Variants in ZNF90 observed in about 807,000 individuals in gnomAD.
The protein encoded by ZNF90 is zinc finger protein HTF9.
A neutral mutation model predicts 12.0 loss-of-function variants in ZNF90; 11 were observed. That is an observed-to-expected ratio of 0.92 (90% CI 0.58 to 1.52). The LOEUF is 1.52. Among genes scored for constraint, ZNF90 ranks in the 40% most tolerant of loss-of-function variants. The pLI, the probability that ZNF90 is intolerant of heterozygous loss-of-function variation, is 0.00. For synonymous variants in ZNF90, 232 were observed against 240.1 expected (o/e 0.97, Z 0.31); for missense variants, 765 against 711.5 (o/e 1.08, Z -0.86).
chr19:20,107,663 G>A (rs1425882673), intron 3 of ZNF90, among the ~76,000 whole-genome samples: 1 of 151,908 alleles, frequency 6.6e-6, no homozygotes, highest in Non-Finnish European at 1.5e-5. Flanking sequence ...TGCTGTAAGG[G>A]GATATGAAAA....
rs2088921792 is a variant in ZNF90 at position 20,093,861 on chromosome 19, A to AG, written c.4-10376dup. Among the ~76,000 whole-genome samples the AG allele has an allele frequency of 2.7e-5, 4 of 149,892 alleles. No homozygotes were observed. The South Asian group carries it at 8.5e-4, about 32-fold the overall frequency. ...TCCATGATGGTCCAGGGGGCTTCCGAGGCGATCGGGCAATGTCAATCTTCA... is the reference window on the plus strand; with the variant it reads ...TCCATGATGGTCCAGGGGGCTTCCGAGGGCGATCGGGCAATGTCAATCTTCA... On this transcript the variant is annotated intron_variant, in intron 1 of 3. Transcript: ENST00000418063.
chr19:20,119,031 T>A lies in ZNF90; in HGVS notation c.1477T>A (p.Ser493Thr). The change falls in exon 4 of 4, where the codon TCC (serine) becomes ACC (threonine). Residue 493 changes from serine to threonine, a missense_variant. Transcript: ENST00000418063. ...AGAATGTGACAAAGCCTTCAAGTAC[T>A]CCTCAGCCCTTAGCACACATAAGAT... is the stretch of plus-strand genomic sequence containing the variant. ...CQECDKAFKY[S>T]SALSTHKIIH... 6.2e-7 allele frequency: 1 copy of A among 1,606,992 alleles called. No homozygotes were observed. The highest frequency in any genetic ancestry group is 8.5e-7 in the Non-Finnish European group (1 of 1,176,476).
rs1420513666 is a variant in ZNF90, at chr19:20,118,294, A to T, written c.740A>T (p.His247Leu). The T allele has an allele frequency of 6.4e-7, 1 of 1,562,280 alleles. No homozygotes were observed. The highest frequency in any genetic ancestry group is 8.7e-7 in the Non-Finnish European group (1 of 1,152,848). The change falls in exon 4 of 4, where the codon CAT becomes CTT. Residue 247 changes from histidine (H) to leucine (L), a missense_variant. His to Leu is a moderately conservative substitution (Grantham distance 99). Coordinates refer to ENST00000418063, the MANE Select transcript of ZNF90 (RefSeq NM_007138.2). ...ELKYSSTLTA[H>L]KRIHTGEKRY... Reference sequence around the variant, plus strand: ...AAGTATTCCTCTACCCTTACTGCACATAAGAGAATTCATACTGGAGAGAAA... The same window carrying T: ...AAGTATTCCTCTACCCTTACTGCACTTAAGAGAATTCATACTGGAGAGAAA...
At chr19:20,107,244 A>C (rs1555704585) in intron 3 of ZNF90, among the ~76,000 whole-genome samples, 1 of 152,136 alleles carries the variant, frequency 6.6e-6, no homozygotes, top group African/African-American at 2.4e-5. Flanking sequence ...AGGTCTCTGG[A>C]GTGGCAGAAC....
At chr19:20,105,455 G>A (rs546537618) in intron 3 of ZNF90, 139 bp downstream of exon 3, 1 of 687,794 alleles carries the variant, frequency 1.5e-6, no homozygotes, top group Non-Finnish European at 2.4e-6. Flanking sequence ...TTTTTGTTTT[G>A]TTTTTAATTT....
intron 3 of ZNF90, among the ~76,000 whole-genome samples, chr19:20,115,367 A>AT (rs2089127860): frequency 6.8e-6 from 1 of 147,550 alleles, no homozygotes; most frequent in African/African-American, 2.5e-5. Flanking sequence ...ATGTTATTTT[A>AT]TTTTTTGTTT....
chr19:20,096,998 A>G (rs138697110), intron 1 of ZNF90, among the ~76,000 whole-genome samples: 61 of 152,364 alleles, frequency 4.0e-4, no homozygotes, highest in African/African-American at 1.4e-3. Context: ...AGCAATTAGC[A>G]TACACACATG....
chr19:20,108,612 C>G (rs1236715172), intron 3 of ZNF90, among the ~76,000 whole-genome samples: 1 of 152,080 alleles, frequency 6.6e-6, no homozygotes, highest in African/African-American at 2.4e-5. Context: ...GCCACCGTGC[C>G]TGGCCTGACT....
intron 1 of ZNF90, among the ~76,000 whole-genome samples, chr19:20,088,036 T>C (rs1346104888): frequency 2.0e-5 from 3 of 152,194 alleles, no homozygotes; most frequent in African/African-American, 7.2e-5. Context: ...CAGGGCATAT[T>C]CACTTCTTTT....
At chr19:20,094,936 C>T (rs939388501) in intron 1 of ZNF90, among the ~76,000 whole-genome samples, 1 of 151,874 alleles carries the variant, frequency 6.6e-6, no homozygotes, top group Non-Finnish European at 1.5e-5. Context: ...AAGAGCTAGT[C>T]GCGGAACTAA....
At position 20,118,651 on chromosome 19, in the gene ZNF90, A is replaced by G; in HGVS notation, c.1097A>G (p.Glu366Gly). The G allele has an allele frequency of 6.4e-7, 1 of 1,568,616 alleles. No homozygotes were observed. Among genetic ancestry groups the G allele is most frequent in the Non-Finnish European group, 8.6e-7 (1 of 1,157,696 alleles). ...ACACATAAGAGAATTCATACTGGAGAGAAACCCTACAAGTGTGATAAATGT... is the reference window on the plus strand; with the variant it reads ...ACACATAAGAGAATTCATACTGGAGGGAAACCCTACAAGTGTGATAAATGT... ...LRTHKRIHTG[E>G]KPYKCDKCGK... The change falls in exon 4 of 4, where the codon GAG (glutamate) becomes GGG (glycine). Residue 366 changes from glutamate (E) to glycine (G), a missense_variant. Physicochemically the swap from Glu to Gly is moderately conservative, Grantham distance 98. Transcript: ENST00000418063.
At chr19:20,113,302 T>C (rs1178132140) in intron 3 of ZNF90, among the ~76,000 whole-genome samples, 1 of 152,030 alleles carries the variant, frequency 6.6e-6, no homozygotes, top group Non-Finnish European at 1.5e-5. Context: ...GCCCTTCTCC[T>C]GCCTCAGCCT....
chr19:20,086,232 C>CTTTTTTTTTTT (rs59433953), intron 1 of ZNF90, among the ~76,000 whole-genome samples: 1 of 99,796 alleles, frequency 1.0e-5, no homozygotes, highest in Non-Finnish European at 2.0e-5. Context: ...ATTTTCTTTT[C>CTTTTTTTTTTT]TTTTTTTTTT....
intron 3 of ZNF90, among the ~76,000 whole-genome samples, chr19:20,108,047 G>C (rs2122512776): frequency 6.6e-6 from 1 of 152,166 alleles, no homozygotes; most frequent in South Asian, 2.1e-4. Flanking sequence ...ATTTAACAAT[G>C]TAAGTCTACT....
At chr19:20,083,485 G>C (rs1254831325) in intron 1 of ZNF90, among the ~76,000 whole-genome samples, 1 of 151,810 alleles carries the variant, frequency 6.6e-6, no homozygotes, top group Non-Finnish European at 1.5e-5. Context: ...GCACCACCAC[G>C]TTTGGCTAAT....
At position 20,119,396 on chromosome 19, in the gene ZNF90, C is replaced by A; in HGVS notation, c.*36C>A. ...AACCCTTAATAAACATAAGATAATTCATACTGGAGAGAAACCGTATAAATG... is the reference window on the plus strand; with the variant it reads ...AACCCTTAATAAACATAAGATAATTAATACTGGAGAGAAACCGTATAAATG... On this transcript the variant is annotated 3_prime_UTR_variant, in exon 4 of 4. Transcript: ENST00000418063. The A allele has an allele frequency of 6.6e-7, 1 of 1,516,896 alleles. No homozygotes were observed. Among genetic ancestry groups the A allele is most frequent in the Non-Finnish European group, 8.9e-7 (1 of 1,125,006 alleles). 94.0% of individuals were successfully genotyped at this position (1,516,896 alleles called of 1,614,324 possible). A position where few individuals can be genotyped will look rare whatever the true frequency, so the allele number is the denominator to read the frequency against.
At chr19:20,101,225 G>T (rs1366378318) in intron 1 of ZNF90, among the ~76,000 whole-genome samples, 1 of 152,202 alleles carries the variant, frequency 6.6e-6, no homozygotes, top group Admixed American at 6.5e-5. Flanking sequence ...AAGTGCTCGG[G>T]TTCATCCTAA....
At position 20,118,803 on chromosome 19, in the gene ZNF90, A is replaced by C; in HGVS notation, c.1249A>C (p.Ile417Leu). 1 of 1,604,816 alleles carries C rather than the reference A, an allele frequency of 6.2e-7. No individual in the cohort carries two copies. Among genetic ancestry groups the C allele is most frequent in the Non-Finnish European group, 8.5e-7 (1 of 1,175,366 alleles). ...CTCCTCAACACTTACTATACATAAG[A>C]TAAGTCATACTGAAGAGAAACCCTA... The part of the protein sequence containing the change: ...KRSSTLTIHK[I>L]SHTEEKPYKC... The change falls in exon 4 of 4, where the codon ATA (isoleucine) becomes CTA (leucine). Residue 417 changes from isoleucine to leucine, a missense_variant. Ile to Leu is a conservative substitution (Grantham distance 5). Coordinates refer to ENST00000418063, the MANE Select transcript of ZNF90 (RefSeq NM_007138.2).
Position 20,120,517 on chromosome 19 carries a change from A to AT in ZNF90, c.*1165dup, listed in dbSNP as rs1459769473. On this transcript the variant is annotated 3_prime_UTR_variant, in exon 4 of 4. Coordinates refer to ENST00000418063, the MANE Select transcript of ZNF90 (RefSeq NM_007138.2). ...GCAAATGTAGTGAATTTGGAAACAAATTTTTTTTCAAAAACTACAGCTTAG... is the reference window on the plus strand; with the variant it reads ...GCAAATGTAGTGAATTTGGAAACAAATTTTTTTTTCAAAAACTACAGCTTAG... 3.9e-5 allele frequency among the ~76,000 whole-genome samples: 6 copies of AT among 152,156 alleles called. No homozygotes were observed. The South Asian group carries it at 8.3e-4, about 21-fold the overall frequency.
Sources: gnomAD v4.1 joint callset for allele counts (sites outside exome capture counted in the v4.1 genomes callset) on GRCh38, gnomAD v4.1.1 for gene constraint, MANE v1.5 for transcripts, NCBI Gene and HGNC (gene_info 2026-07-23, HGNC 2026-07-21) for gene names.